Variants in BATF3 observed in about 807,000 individuals in gnomAD.
BATF3 encodes the protein basic leucine zipper ATF-like transcription factor 3.
BATF3 carries 8 observed loss-of-function variants against 16.1 expected under a neutral mutation model. The ratio of observed to expected loss-of-function variants is 0.50; its 90% CI spans 0.29 to 0.90. The LOEUF (loss-of-function observed/expected upper bound fraction) is 0.90, where lower values mean the gene tolerates loss of function less well. BATF3 is among the 40% of genes least tolerant of loss of function. The probability of loss-of-function intolerance (pLI) is 0.08; values close to 1 mark genes in which losing one functional copy is unlikely to be tolerated. For missense variants in BATF3, 139 were observed against 167.0 expected (o/e 0.83, Z 0.92); for synonymous variants, 74 against 72.7 (o/e 1.02, Z -0.09).
chr1:212,698,582 G>A (rs1489914024), intron 1 of BATF3: 3 of 150,492 alleles, frequency 2.0e-5, no homozygotes, highest in Non-Finnish European at 4.4e-5. Context: ...CTTTGTTGAA[G>A]TTGCTACTTT....
intron 2 of BATF3, among the ~76,000 whole-genome samples, chr1:212,696,599 A>C (rs972709708): frequency 6.6e-6 from 1 of 152,034 alleles, no homozygotes; most frequent in African/African-American, 2.4e-5. Flanking sequence ...AGGTGTAACT[A>C]CTCTTTTTTA....
chr1:212,694,248 A>G (rs919714830), intron 2 of BATF3, among the ~76,000 whole-genome samples: 1 of 152,220 alleles, frequency 6.6e-6, no homozygotes, highest in Non-Finnish European at 1.5e-5. Context: ...TTTTGACCCA[A>G]TATGACCCAC....
At chr1:212,688,003 G>A (rs1656894679) in intron 2 of BATF3, among the ~76,000 whole-genome samples, 4 of 90,494 alleles carry the variant, frequency 4.4e-5, no homozygotes, top group East Asian at 2.5e-4. Flanking sequence ...AAGAAAGGAA[G>A]GAAGGAAGGA....
At chr1:212,697,205 G>A in intron 1 of BATF3, 140 bp from the exon 2 acceptor site, 1 of 653,434 alleles carries the variant, frequency 1.5e-6, no homozygotes, top group South Asian at 1.8e-5. Context: ...TATACCAATG[G>A]GCTCACAACA....
intron 2 of BATF3, among the ~76,000 whole-genome samples, chr1:212,692,403 C>G (rs972136431): frequency 7.9e-5 from 12 of 151,898 alleles, no homozygotes; most frequent in African/African-American, 2.7e-4. Flanking sequence ...CAAAAAAAAC[C>G]CAAAAAAACC....
At chr1:212,693,009 G>A (rs1657037418) in intron 2 of BATF3, among the ~76,000 whole-genome samples, 1 of 152,166 alleles carries the variant, frequency 6.6e-6, no homozygotes, top group African/African-American at 2.4e-5. Flanking sequence ...TATGCATGGT[G>A]TCCCCACCCT....
Position 212,686,613 on chromosome 1 carries a change from G to T in BATF3, c.*178C>A. ...TCTGCACAAGGGCTCTGTGAGTTTG[G>T]CGCCTGTTGGATGTCGGGCTGAGCC... On this transcript the variant is annotated 3_prime_UTR_variant, in exon 3 of 3. Transcript: ENST00000243440. 3 of 1,062,370 alleles carry T rather than the reference G, an allele frequency of 2.8e-6. No homozygotes were observed. The highest frequency in any genetic ancestry group is 3.2e-5 in the African/African-American group (2 of 62,748). 65.8% of individuals were successfully genotyped at this position (1,062,370 alleles called of 1,614,324 possible).
At position 212,696,952 on chromosome 1, in the gene BATF3, C is replaced by T. The variant is rs753968049; in HGVS notation, c.195+9G>A. 9.9e-6 allele frequency: 16 copies of T among 1,611,956 alleles called. No individual in the cohort carries two copies. The Admixed American group carries it at 1.3e-4, about 13-fold the overall frequency. Reference sequence around the variant, plus strand: ...GCTCTAAGGTGGCTTGCCCCTACCACGGTCTCACCTCATGGAGCTTGTCAG... The same window carrying T: ...GCTCTAAGGTGGCTTGCCCCTACCATGGTCTCACCTCATGGAGCTTGTCAG... On this transcript the variant is annotated intron_variant, in intron 2 of 2. Transcript: ENST00000243440.
At chr1:212,694,139 C>T (rs1387047947) in intron 2 of BATF3, among the ~76,000 whole-genome samples, 1 of 152,204 alleles carries the variant, frequency 6.6e-6, no homozygotes, top group African/African-American at 2.4e-5. Context: ...AAGGAGACTA[C>T]AAGCCCAGGA....
chr1:212,687,967 A>AAAAAAAAAGAAAGAAAGAAAG (rs1656888050), intron 2 of BATF3, among the ~76,000 whole-genome samples: 1 of 99,672 alleles, frequency 1.0e-5, no homozygotes, highest in Non-Finnish European at 2.0e-5. Context: ...GAAAGAAAAA[A>AAAAAAAAAGAAAGAAAGAAAG]AAAGAAAGAA....
intron 2 of BATF3, among the ~76,000 whole-genome samples, chr1:212,688,173 A>G (rs1177869768): frequency 2.0e-5 from 3 of 152,254 alleles, no homozygotes; most frequent in South Asian, 4.1e-4. Context: ...AGTAGATCCA[A>G]TGCTTTTTTC....
intron 2 of BATF3, among the ~76,000 whole-genome samples, chr1:212,690,077 C>T (rs2501859): frequency 0.11 from 17,088 of 152,168 alleles, 1,222 homozygotes; most frequent in Admixed American, 0.17. Flanking sequence ...CACATACACA[C>T]TCACACACAC....
intron 1 of BATF3, chr1:212,698,202 G>C (rs1657177313): frequency 6.6e-6 from 1 of 152,190 alleles, no homozygotes; most frequent in Admixed American, 6.5e-5. Context: ...AAGAAGTCTT[G>C]ATAAACAAAA....
chr1:212,693,935 CA>C (rs1166970109), intron 2 of BATF3, among the ~76,000 whole-genome samples: 1 of 152,168 alleles, frequency 6.6e-6, no homozygotes, highest in African/African-American at 2.4e-5. Context: ...CCTTACATAG[CA>C]AAAGGGACTA....
intron 2 of BATF3, 33 bp from the exon 3 acceptor site, chr1:212,687,012 G>C (rs760643698): frequency 1.4e-6 from 2 of 1,389,426 alleles, no homozygotes; most frequent in Non-Finnish European, 2.1e-6. Context: ...AATCATTTCT[G>C]GTGCAGCGTT....
intron 2 of BATF3, among the ~76,000 whole-genome samples, chr1:212,696,258 T>A (rs745700050): frequency 2.0e-5 from 3 of 151,622 alleles, no homozygotes; most frequent in Non-Finnish European, 4.4e-5. Flanking sequence ...TTAGGAAAAC[T>A]AGGAAATGTG....
At position 212,689,808 on chromosome 1, in the gene BATF3, C is replaced by T. The variant is rs1380621970; in HGVS notation, c.196-2829G>A. On this transcript the variant is annotated intron_variant, in intron 2 of 2. Transcript: ENST00000243440. The surrounding 1 kb of genome is among the most constrained non-coding windows in gnomAD (Gnocchi z 4.6). ...ACACTCACACACTCTCATACACAGC[C>T]CGACACACACACTCTCACACACACA... 6.7e-6 allele frequency among the ~76,000 whole-genome samples: 1 copy of T among 150,278 alleles called. No homozygotes were observed. Among genetic ancestry groups the T allele is most frequent in the African/African-American group, 2.5e-5 (1 of 40,112 alleles).
chr1:212,692,813 T>C (rs1224801991), intron 2 of BATF3, among the ~76,000 whole-genome samples: 1 of 152,154 alleles, frequency 6.6e-6, no homozygotes, highest in Non-Finnish European at 1.5e-5. Context: ...GTAAAGAGCT[T>C]GAGTTACTTT....
intron 2 of BATF3, among the ~76,000 whole-genome samples, chr1:212,691,183 A>G (rs1351347616): frequency 1.3e-5 from 2 of 152,210 alleles, no homozygotes; most frequent in Non-Finnish European, 2.9e-5. Flanking sequence ...AGACAGGATC[A>G]AGGACTGGTA....
Sources: gnomAD v4.1 joint callset for allele counts (sites outside exome capture counted in the v4.1 genomes callset) on GRCh38, gnomAD v4.1.1 for gene constraint, Gnocchi (gnomAD v3.1) non-coding constraint, MANE v1.5 for transcripts, NCBI Gene and HGNC (gene_info 2026-07-23, HGNC 2026-07-21) for gene names.